DPYS: variants seen among roughly 807,000 people sequenced by gnomAD.
DPYS encodes the protein dihydropyrimidine amidohydrolase.
In DPYS, 39 loss-of-function variants were observed where a neutral mutation model predicts 50.3. The observed-to-expected ratio is 0.78, with a 90% CI of 0.60 to 1.01. The LOEUF (loss-of-function observed/expected upper bound fraction) is 1.01. Ranked by LOEUF, DPYS falls within the 50% of genes least tolerant of loss-of-function variation. DPYS has a pLI of 0.00. For missense variants in DPYS, 659 were observed against 680.9 expected, an observed-to-expected ratio of 0.97 and a Z score of 0.36; for synonymous variants, 245 against 250.7, an observed-to-expected ratio of 0.98 and a Z score of 0.22.
In DPYS at chr8:104,466,885, A is replaced by AC. The variant is rs1212167138; in HGVS notation, c.35dup (p.Arg13SerfsTer6). ...CCGAGAAGTCATCGTTGACCACGCG[A>AC]CCCCCGCGGATCAGGAGCCGCGAGG... On this transcript the variant is annotated frameshift_variant, in exon 1 of 10. Transcript: ENST00000351513. LOFTEE classifies it high-confidence loss of function. The AC allele has an allele frequency of 1.3e-6, 2 of 1,504,020 alleles. No homozygotes were observed. Among genetic ancestry groups the AC allele is most frequent in the Admixed American group, 2.1e-5 (1 of 48,620 alleles). 93.2% of individuals were successfully genotyped at this position (1,504,020 alleles called of 1,614,324 possible).
chr8:104,394,164 T>G, intron 7 of DPYS, among the ~76,000 whole-genome samples: 1 of 152,300 alleles, frequency 6.6e-6, no homozygotes, highest in Non-Finnish European at 1.5e-5. Flanking sequence ...GATAAATTTT[T>G]TAAAAATCGT....
chr8:104,410,410 T>C (rs1363295714), intron 7 of DPYS, among the ~76,000 whole-genome samples: 1 of 152,042 alleles, frequency 6.6e-6, no homozygotes, highest in Non-Finnish European at 1.5e-5. Flanking sequence ...CAGGTAGGTG[T>C]AGAGATCCTA....
At position 104,413,423 on chromosome 8, in the gene DPYS, G is replaced by C. The variant is rs191503747; in HGVS notation, c.1235+10824C>G. ...CATGGAAATGATAAACACCAAATTGGGTAGTTGTTGAGATGAGGAAGGAGA... is the reference window on the plus strand; with the variant it reads ...CATGGAAATGATAAACACCAAATTGCGTAGTTGTTGAGATGAGGAAGGAGA... On this transcript the variant is annotated intron_variant, in intron 7 of 9. Coordinates refer to ENST00000351513, the MANE Select transcript of DPYS (RefSeq NM_001385.3). Among the ~76,000 whole-genome samples the C allele has an allele frequency of 2.0e-3, 305 of 152,016 alleles. 2 individuals carry two copies. The highest frequency in any genetic ancestry group is 6.9e-3 in the African/African-American group (285 of 41,498).
In DPYS at chr8:104,447,419, C is replaced by T; in HGVS notation, c.508G>A (p.Val170Met). The T allele has an allele frequency of 3.1e-6, 5 of 1,613,990 alleles. No individual in the cohort carries two copies. In the South Asian group the frequency reaches 5.5e-5, roughly 18 times the overall value. The part of the protein sequence containing the change: ...MFMAYKDLYM[V>M]TDLELYEAFS... ...GCTTCGTACAGCTCCAGGTCTGTCA[C>T]CATGTACAGATCTTTATAGGCCATA... The change falls in exon 3 of 10, where the codon GTG (valine) becomes ATG (methionine). Residue 170 changes from valine to methionine, a missense_variant. Val to Met is a conservative substitution (Grantham distance 21). Coordinates refer to ENST00000351513, the MANE Select transcript of DPYS (RefSeq NM_001385.3).
Position 104,424,253 on chromosome 8 carries a change from C to T in DPYS, c.1229G>A (p.Gly410Asp), listed in dbSNP as rs1449979910. 1.2e-6 allele frequency: 2 copies of T among 1,614,108 alleles called. No homozygotes were observed. Among genetic ancestry groups the T allele is most frequent in the East Asian group, 4.5e-5 (2 of 44,860 alleles). ...DADIVIWDPK[G>D]TRTISAKTHH... is the part of the protein sequence containing the mutation. ...TACAAGAACTTAGACTTACCTTGTG[C>T]CTTTTGGGTCCCAAATAACAATGTC... The change falls in exon 7 of 10, where the codon GGC becomes GAC. Residue 410 changes from glycine to aspartate, a missense_variant. Gly to Asp is a moderately conservative substitution (Grantham distance 94, BLOSUM62 -1). Transcript: ENST00000351513.
At chr8:104,380,337 C>A (rs1268870580) in intron 9 of DPYS, among the ~76,000 whole-genome samples, 2 of 152,174 alleles carry the variant, frequency 1.3e-5, no homozygotes, top group African/African-American at 4.8e-5. Context: ...ATTAGGTCAA[C>A]CTCTGGGGTT....
intron 7 of DPYS, 150 bp downstream of exon 7, chr8:104,424,097 C>A: frequency 2.6e-6 from 4 of 1,536,442 alleles, no homozygotes; most frequent in Admixed American, 2.0e-5. Flanking sequence ...ACATCAAAAC[C>A]TTTATCTTGT....
At chr8:104,386,528 T>TAA (rs559135189) in intron 8 of DPYS, among the ~76,000 whole-genome samples, 1 of 140,274 alleles carries the variant, frequency 7.1e-6, no homozygotes, top group Non-Finnish European at 1.6e-5. Flanking sequence ...GTGAGACTCT[T>TAA]AAAAAAAAAA....
At chr8:104,420,622 G>C (rs1812508660) in intron 7 of DPYS, 1 of 147,532 alleles carries the variant, frequency 6.8e-6, no homozygotes, top group African/African-American at 2.5e-5. Flanking sequence ...GCAAGATATA[G>C]AGTAAGTCAA....
At chr8:104,422,579 C>G (rs765883867) in intron 7 of DPYS, among the ~76,000 whole-genome samples, 4 of 152,168 alleles carry the variant, frequency 2.6e-5, no homozygotes, top group Admixed American at 6.5e-5. Context: ...TAAAAACCCA[C>G]GAGAGCTGTG....
At chr8:104,462,046 T>C (rs1814191290) in intron 1 of DPYS, among the ~76,000 whole-genome samples, 1 of 152,220 alleles carries the variant, frequency 6.6e-6, no homozygotes, top group African/African-American at 2.4e-5. Context: ...TTTTTCTTTT[T>C]TGAAAAAGCA....
At chr8:104,430,792 A>T (rs1045004842) in intron 4 of DPYS, among the ~76,000 whole-genome samples, 1 of 152,186 alleles carries the variant, frequency 6.6e-6, no homozygotes, top group African/African-American at 2.4e-5. Context: ...ATTCTTAAGT[A>T]ACCAAGTATC....
At chr8:104,450,911 G>T (rs1033325586) in intron 2 of DPYS, among the ~76,000 whole-genome samples, 4 of 152,068 alleles carry the variant, frequency 2.6e-5, no homozygotes, top group African/African-American at 4.8e-5. Flanking sequence ...AGATTCGGGG[G>T]ATATTGAATT....
intron 7 of DPYS, among the ~76,000 whole-genome samples, chr8:104,413,869 G>A (rs544520898): frequency 6.6e-6 from 1 of 152,140 alleles, no homozygotes; most frequent in Non-Finnish European, 1.5e-5. Flanking sequence ...ATGTTTGCAG[G>A]ACATGGACAA....
intron 4 of DPYS, among the ~76,000 whole-genome samples, chr8:104,436,818 G>A (rs1813166783): frequency 6.6e-6 from 1 of 151,918 alleles, no homozygotes; most frequent in African/African-American, 2.4e-5. Context: ...AACATAGTAA[G>A]ACTATGTCTT....
chr8:104,410,196 T>C (rs1812127867), intron 7 of DPYS, among the ~76,000 whole-genome samples: 1 of 152,146 alleles, frequency 6.6e-6, no homozygotes, highest in Admixed American at 6.5e-5. Flanking sequence ...ATTAACTCCT[T>C]TTTTCCCCCA....
intron 7 of DPYS, among the ~76,000 whole-genome samples, chr8:104,396,907 A>T (rs2140530953): frequency 6.6e-6 from 1 of 152,320 alleles, no homozygotes; most frequent in Admixed American, 6.5e-5. Flanking sequence ...ACAACATCTA[A>T]GAGATTCTTT....
intron 8 of DPYS, 60 bp downstream of exon 8, chr8:104,392,724 A>C: frequency 6.2e-7 from 1 of 1,600,524 alleles, no homozygotes; most frequent in East Asian, 2.2e-5. Context: ...ATAACCAGCC[A>C]GACATCCAGA....
chr8:104,426,283 G>A (rs971206890), intron 6 of DPYS, among the ~76,000 whole-genome samples: 1 of 152,154 alleles, frequency 6.6e-6, no homozygotes, highest in African/African-American at 2.4e-5. Context: ...ATTTCTAAAT[G>A]AGAACTCCCA....
Sources: allele counts gnomAD v4.1 joint callset (sites outside exome capture counted in the v4.1 genomes callset), GRCh38; gene constraint gnomAD v4.1.1; transcripts MANE v1.5; gene names NCBI Gene and HGNC (gene_info 2026-07-23, HGNC 2026-07-21).